Variants in ATP1A1 observed in about 807,000 individuals in gnomAD.
ATP1A1 encodes the protein sodium/potassium-transporting ATPase subunit alpha-1.
A neutral mutation model predicts 114.8 loss-of-function variants in ATP1A1; 14 were observed. The ratio of observed to expected loss-of-function variants is 0.12; its 90% CI spans 0.08 to 0.19. The LOEUF (loss-of-function observed/expected upper bound fraction) is 0.19, where lower values mean the gene tolerates loss of function less well. Among genes scored for constraint, ATP1A1 ranks in the 10% least tolerant of loss-of-function variants. The probability of loss-of-function intolerance (pLI) is 1.00; values close to 1 mark genes in which losing one functional copy is unlikely to be tolerated. For synonymous variants in ATP1A1, 471 were observed against 466.3 expected, an observed-to-expected ratio of 1.01 and a Z score of -0.13; for missense variants, 524 against 1,290.7, an observed-to-expected ratio of 0.41 and a Z score of 9.10.
chr1:116,401,078 C>T lies in ATP1A1; in HGVS notation c.2719-52C>T. 6.2e-7 allele frequency: 1 copy of T among 1,612,450 alleles called. No homozygotes were observed. Among genetic ancestry groups the T allele is most frequent in the Non-Finnish European group, 8.5e-7 (1 of 1,178,500 alleles). On this transcript the variant is annotated intron_variant, in intron 19 of 22. Transcript: ENST00000295598. This position sits in a 1 kb window ranked among gnomAD's most constrained non-coding sequence, Gnocchi z 4.7. ...CCAGAAGACTGAGGCCACACTGCCA[C>T]CAGCCATGCAGGTGAAGAGCCAGAG...
intron 1 of ATP1A1, among the ~76,000 whole-genome samples, chr1:116,378,534 G>C (rs146954975): frequency 7.7e-6 from 1 of 129,402 alleles, no homozygotes. Context: ...TCGGTGAGCT[G>C]TGATTGCTCT....
Position 116,398,925 on chromosome 1 carries a change from C to T in ATP1A1, c.2294-5C>T, listed in dbSNP as rs1031963587. ...GCTAACAGTAAAAAATCTTGGTTTT[C>T]ATAGGTCGTCTGATCTTTGATAACT... On this transcript the variant is annotated splice_region_variant and splice_polypyrimidine_tract_variant and intron_variant, in intron 16 of 22. Coordinates refer to ENST00000295598, the MANE Select transcript of ATP1A1 (RefSeq NM_000701.8). The surrounding 1 kb of genome is among the most constrained non-coding windows in gnomAD (Gnocchi z 6.1). The T allele has an allele frequency of 6.2e-7, 1 of 1,614,072 alleles. No homozygotes were observed. The highest frequency in any genetic ancestry group is 8.5e-7 in the Non-Finnish European group (1 of 1,179,908).
In ATP1A1 at chr1:116,400,851, C is replaced by T. The variant is rs2101065833; in HGVS notation, c.2573-10C>T. On this transcript the variant is annotated splice_polypyrimidine_tract_variant and intron_variant, in intron 18 of 22. Transcript: ENST00000295598. ...GAGGTTCTAGTAATTGGGTTGTTTTCCCAACTTAGGAATGATCCAGGCCCT... is the reference window on the plus strand; with the variant it reads ...GAGGTTCTAGTAATTGGGTTGTTTTTCCAACTTAGGAATGATCCAGGCCCT... 1 of 1,613,886 alleles carries T rather than the reference C, an allele frequency of 6.2e-7. No homozygotes were observed.
Position 116,401,311 on chromosome 1 carries a change from G to A in ATP1A1, c.2849+51G>A. ...CCTTGGCTCAAAGAAGGGGACTGGT[G>A]ATTTGTAAACCCTTTGCCAAAAACT... On this transcript the variant is annotated intron_variant, in intron 20 of 22. Coordinates refer to ENST00000295598, the MANE Select transcript of ATP1A1 (RefSeq NM_000701.8). This position sits in a 1 kb window ranked among gnomAD's most constrained non-coding sequence, Gnocchi z 4.7. 1.2e-6 allele frequency: 2 copies of A among 1,610,388 alleles called. No individual in the cohort carries two copies. Among genetic ancestry groups the A allele is most frequent in the South Asian group, 2.2e-5 (2 of 90,980 alleles).
chr1:116,378,465 G>A (rs1333283661), intron 1 of ATP1A1, among the ~76,000 whole-genome samples: 1 of 152,182 alleles, frequency 6.6e-6, no homozygotes, highest in East Asian at 1.9e-4. Context: ...GACTTGTATT[G>A]TTTGGGAGCC....
rs1653494705 is a variant in ATP1A1, at chr1:116,401,710, C to T, written c.2951+55C>T. 1 of 1,509,918 alleles carries T rather than the reference C, an allele frequency of 6.6e-7. No homozygotes were observed. The highest frequency in any genetic ancestry group is 9.2e-7 in the Non-Finnish European group (1 of 1,091,598). The allele number at this position is 1,509,918 out of a possible 1,614,324, so 93.5% of individuals were successfully genotyped here. ...GTATGAAATAGTATGTGTGGCTTTT[C>T]CCCCCATTACTTGTGGTAATAGTTG... is the stretch of plus-strand genomic sequence containing the variant. On this transcript the variant is annotated intron_variant, in intron 21 of 22. Transcript: ENST00000295598. This position sits in a 1 kb window ranked among gnomAD's most constrained non-coding sequence, Gnocchi z 4.7.
chr1:116,388,499 C>T lies in ATP1A1; in HGVS notation c.502-139C>T. Reference sequence around the variant, plus strand: ...TAAACTGGCGAGCAAGCTTTTGTAACTTGTGTAAATAAAAAAGTGAATAAT... The same window carrying T: ...TAAACTGGCGAGCAAGCTTTTGTAATTTGTGTAAATAAAAAAGTGAATAAT... On this transcript the variant is annotated intron_variant, in intron 5 of 22. Transcript: ENST00000295598. The surrounding 1 kb of genome is among the most constrained non-coding windows in gnomAD (Gnocchi z 5.6). 7.9e-7 allele frequency: 1 copy of T among 1,259,446 alleles called. No homozygotes were observed. The highest frequency in any genetic ancestry group is 1.1e-6 in the Non-Finnish European group (1 of 921,524). 78.0% of individuals were successfully genotyped at this position (1,259,446 alleles called of 1,614,324 possible).
At position 116,400,946 on chromosome 1, in the gene ATP1A1, C is replaced by T. The variant is rs1190603759; in HGVS notation, c.2658C>T (p.Leu886=). Residue 886 remains leucine (L), a synonymous_variant, in exon 19 of 23, where the codon CTC becomes CTT. Transcript: ENST00000295598. ...TCCTCCCAATTCACCTGTTGGGCCT[C>T]CGAGTGGACTGGGATGACCGCTGGA... ...NGFLPIHLLG[L]RVDWDDRWIN... is the part of the protein sequence containing the mutation. 3 of 1,614,190 alleles carry T rather than the reference C, an allele frequency of 1.9e-6. No individual in the cohort carries two copies. Among genetic ancestry groups the T allele is most frequent in the Non-Finnish European group, 2.5e-6 (3 of 1,180,036 alleles).
At chr1:116,374,071 A>G in intron 1 of ATP1A1, 1 of 1,406,656 alleles carries the variant, frequency 7.1e-7, no homozygotes, top group Non-Finnish European at 9.3e-7. Flanking sequence ...CGGCGGGGGC[A>G]GCCTCCGGGT....
Position 116,401,727 on chromosome 1 carries a change from T to C in ATP1A1, c.2951+72T>C. ...TGGCTTTTCCCCCCATTACTTGTGGTAATAGTTGTTATTTTCAGAATTTTG... is the reference window on the plus strand; with the variant it reads ...TGGCTTTTCCCCCCATTACTTGTGGCAATAGTTGTTATTTTCAGAATTTTG... On this transcript the variant is annotated intron_variant, in intron 21 of 22. Coordinates refer to ENST00000295598, the MANE Select transcript of ATP1A1 (RefSeq NM_000701.8). The surrounding 1 kb of genome is among the most constrained non-coding windows in gnomAD (Gnocchi z 4.7). 6.9e-7 allele frequency: 1 copy of C among 1,450,310 alleles called. No homozygotes were observed. The highest frequency in any genetic ancestry group is 9.6e-7 in the Non-Finnish European group (1 of 1,045,838). The allele number at this position is 1,450,310 out of a possible 1,614,324, so 89.8% of individuals were successfully genotyped here.
chr1:116,388,824 C>T lies in ATP1A1; in HGVS notation c.636+52C>T. ...ATAGCTAGCTCTGCTGTTCGGGCAGCTTGATTTGAGGGGTACAGTAGCCCA... is the reference window on the plus strand; with the variant it reads ...ATAGCTAGCTCTGCTGTTCGGGCAGTTTGATTTGAGGGGTACAGTAGCCCA... On this transcript the variant is annotated intron_variant, in intron 6 of 22. Transcript: ENST00000295598. The surrounding 1 kb of genome is among the most constrained non-coding windows in gnomAD (Gnocchi z 5.6). The T allele has an allele frequency of 6.2e-7, 1 of 1,612,694 alleles. No homozygotes were observed. Among genetic ancestry groups the T allele is most frequent in the African/African-American group, 1.3e-5 (1 of 74,938 alleles).
Position 116,390,795 on chromosome 1 carries a change from C to T in ATP1A1, c.1236C>T (p.Asp412=), listed in dbSNP as rs753371066. 7 of 1,614,058 alleles carry T rather than the reference C, an allele frequency of 4.3e-6. No individual in the cohort carries two copies. Among genetic ancestry groups the T allele is most frequent in the Non-Finnish European group, 4.2e-6 (5 of 1,180,020 alleles). ...TTENQSGVSF[D]KTSATWLALS... ...TGCCTCCATCAGGTGTCTCTTTTGA[C>T]AAGACTTCAGCTACCTGGCTTGCTC... The change falls in exon 10 of 23, where the codon GAC becomes GAT. Residue 412 remains aspartate, a synonymous_variant. Transcript: ENST00000295598.
Position 116,398,089 on chromosome 1 carries a change from T to A in ATP1A1, c.2124+51T>A, listed in dbSNP as rs779862831. The A allele has an allele frequency of 1.2e-6, 2 of 1,602,026 alleles. No individual in the cohort carries two copies. The highest frequency in any genetic ancestry group is 1.7e-6 in the Non-Finnish European group (2 of 1,173,582). ...CTTTGGGCACTATTGGCTTTAGGGA[T>A]TGGAGTTCCAGTGGAAACAGAGCAA... is the stretch of plus-strand genomic sequence containing the variant. On this transcript the variant is annotated intron_variant, in intron 15 of 22. Coordinates refer to ENST00000295598, the MANE Select transcript of ATP1A1 (RefSeq NM_000701.8). The surrounding 1 kb of genome is among the most constrained non-coding windows in gnomAD (Gnocchi z 6.1).
At chr1:116,376,071 C>T (rs1263447016) in intron 1 of ATP1A1, among the ~76,000 whole-genome samples, 1 of 152,118 alleles carries the variant, frequency 6.6e-6, no homozygotes, top group African/African-American at 2.4e-5. Context: ...CCACCGGCAA[C>T]TGTTTCACTC....
intron 1 of ATP1A1, among the ~76,000 whole-genome samples, chr1:116,374,613 G>A (rs1423353159): frequency 1.3e-5 from 2 of 152,168 alleles, no homozygotes; most frequent in Admixed American, 6.5e-5. Flanking sequence ...GCTATTACCC[G>A]TGCAGGAGAC....
chr1:116,379,733 G>A (rs187555797), intron 1 of ATP1A1, among the ~76,000 whole-genome samples: 6 of 152,318 alleles, frequency 3.9e-5, no homozygotes, highest in Admixed American at 3.9e-4. Context: ...TAGCCTTTGT[G>A]TAGTGCTTTG....
chr1:116,390,550 T>TTTA (rs1652382162), intron 9 of ATP1A1, 139 bp downstream of exon 9: 2 of 960,032 alleles, frequency 2.1e-6, no homozygotes, highest in African/African-American at 3.5e-5. Context: ...TTTTTTTTTT[T>TTTA]ATCATTTAGT....
Position 116,404,598 on chromosome 1 carries a change from T to G in ATP1A1, c.*154T>G. ...AAGCAAGACGTCCTGGAATGAAGCA[T>G]GTAGCTCTATGGGGGGAGGGGGGAG... On this transcript the variant is annotated 3_prime_UTR_variant, in exon 23 of 23. Transcript: ENST00000295598. The surrounding 1 kb of genome is among the most constrained non-coding windows in gnomAD (Gnocchi z 4.8). 3.0e-6 allele frequency: 4 copies of G among 1,329,424 alleles called. No individual in the cohort carries two copies. The highest frequency in any genetic ancestry group is 2.9e-6 in the Non-Finnish European group (3 of 1,039,952). The allele number at this position is 1,329,424 out of a possible 1,614,324, so 82.4% of individuals were successfully genotyped here.
At chr1:116,376,505 T>C (rs1231535800) in intron 1 of ATP1A1, among the ~76,000 whole-genome samples, 1 of 152,162 alleles carries the variant, frequency 6.6e-6, no homozygotes, top group East Asian at 1.9e-4. Flanking sequence ...TGCCTAGAGC[T>C]GGGGGGTGGA....
Sources: allele counts gnomAD v4.1 joint callset (sites outside exome capture counted in the v4.1 genomes callset), GRCh38; gene constraint gnomAD v4.1.1; non-coding constraint Gnocchi (gnomAD v3.1); transcripts MANE v1.5; gene names NCBI Gene and HGNC (gene_info 2026-07-23, HGNC 2026-07-21).